LONP1: variants seen among roughly 807,000 people sequenced by gnomAD.
LONP1 encodes the protein lon protease homolog, mitochondrial.
LONP1 carries 31 observed loss-of-function variants against 98.5 expected under a neutral mutation model. That is an observed-to-expected ratio of 0.31 (90% CI 0.24 to 0.42). LONP1 has a LOEUF of 0.42. LONP1 is among the 20% of genes least tolerant of loss of function. The pLI is 1.00. For missense variants in LONP1, 1,336 were observed against 1,350.6 expected (o/e 0.99, Z 0.17); for synonymous variants, 781 against 594.7 (o/e 1.31, Z -4.56).
Position 5,699,101 on chromosome 19 carries a change from G to A in LONP1, c.1611C>T (p.Ala537=), listed in dbSNP as rs773972049. 3 of 1,604,330 alleles carry A rather than the reference G, an allele frequency of 1.9e-6. No individual in the cohort carries two copies. Among genetic ancestry groups the A allele is most frequent in the Non-Finnish European group, 2.6e-6 (3 of 1,174,066 alleles). Residue 537 remains alanine (A), a synonymous_variant, in exon 10 of 18, where the codon GCC becomes GCT. Transcript: ENST00000360614. ...VGKTSIARSI[A]RALNREYFRF... is the part of the protein sequence containing the mutation. ...GGAAGTACTCTCGGTTCAGGGCGCG[G>A]GCGATGGAGCGAGCAATGCTGGTCT...
intron 4 of LONP1, chr19:5,709,000 G>T (rs1330941950): frequency 1.5e-5 from 2 of 135,458 alleles, no homozygotes; most frequent in African/African-American, 5.9e-5. Flanking sequence ...GCGAAAGAGC[G>T]AGACTCTGTC....
chr19:5,703,980 C>T (rs2055102565), intron 8 of LONP1, among the ~76,000 whole-genome samples: 2 of 152,200 alleles, frequency 1.3e-5, no homozygotes, highest in African/African-American at 2.4e-5. Context: ...AAAACATCTA[C>T]GTTCTCCCCC....
At chr19:5,697,190 C>T (rs1052351552) in intron 10 of LONP1, among the ~76,000 whole-genome samples, 21 of 152,058 alleles carry the variant, frequency 1.4e-4, no homozygotes, top group African/African-American at 2.9e-4. Flanking sequence ...GGGCCCGGCC[C>T]GCGACAGGGA....
At chr19:5,694,055 C>T (rs2054880074) in intron 15 of LONP1, among the ~76,000 whole-genome samples, 2 of 152,338 alleles carry the variant, frequency 1.3e-5, no homozygotes, top group Non-Finnish European at 2.9e-5. Flanking sequence ...CAGACACAAG[C>T]CCTTCTCCAG....
At chr19:5,693,920 T>C in intron 15 of LONP1, 151 bp from the exon 16 acceptor site, 1 of 688,646 alleles carries the variant, frequency 1.5e-6, no homozygotes, top group Non-Finnish European at 2.5e-6. Context: ...GAGCCAACGC[T>C]GGCCTCTACG....
chr19:5,700,804 G>C lies in LONP1; in HGVS notation c.1491C>G (p.Val497=), dbSNP rs561481182. 264 of 1,614,178 alleles carry C rather than the reference G, an allele frequency of 1.6e-4. 7 individuals are homozygous for C. In the South Asian group the frequency reaches 2.6e-3, roughly 16 times the overall value. The change falls in exon 9 of 18, where the codon GTC becomes GTG. Residue 497 remains valine, a synonymous_variant. Transcript: ENST00000360614. The part of the protein sequence containing the change: ...LEEDHYGMED[V]KKRILEFIAV... ...CTGGGCTCACCAGGATGCGTTTCTT[G>C]ACGTCCTCCATGCCGTAGTGGTCTT...
At chr19:5,700,686 A>G (rs913636981) in intron 9 of LONP1, 103 bp downstream of exon 9, 1 of 1,488,212 alleles carries the variant, frequency 6.7e-7, no homozygotes, top group African/African-American at 1.4e-5. Flanking sequence ...CAGGCCTACG[A>G]ATTCACCAGG....
At position 5,696,764 on chromosome 19, in the gene LONP1, G is replaced by A; in HGVS notation, c.1686-7C>T. On this transcript the variant is annotated splice_polypyrimidine_tract_variant and splice_region_variant and intron_variant, in intron 10 of 17. Coordinates refer to ENST00000360614, the MANE Select transcript of LONP1 (RefSeq NM_004793.4). ...GGCGCCCACGTAGGTCCGCCTGTGG[G>A]TGCACAGCGGGGTCAGAGGTCACTT... 3.1e-6 allele frequency: 5 copies of A among 1,603,996 alleles called. No homozygotes were observed. Among genetic ancestry groups the A allele is most frequent in the East Asian group, 2.2e-5 (1 of 44,844 alleles).
chr19:5,703,813 G>A (rs1274898401), intron 8 of LONP1, among the ~76,000 whole-genome samples: 2 of 152,110 alleles, frequency 1.3e-5, no homozygotes, highest in Non-Finnish European at 2.9e-5. Context: ...TGTCCCCCGT[G>A]ACTTCCCAGG....
chr19:5,697,514 A>AGAGAAGAGGGAGGAGAGG (rs1441783336), intron 10 of LONP1, among the ~76,000 whole-genome samples: 2 of 126,820 alleles, frequency 1.6e-5, no homozygotes, highest in Admixed American at 1.7e-4. Context: ...GGAGGGGGGG[A>AGAGAAGAGGGAGGAGAGG]GAGAAGAGGG....
chr19:5,691,935 G>A lies in LONP1; in HGVS notation c.*97C>T, dbSNP rs1177037678. 4.8e-6 allele frequency: 5 copies of A among 1,048,842 alleles called. No homozygotes were observed. The highest frequency in any genetic ancestry group is 1.5e-5 in the African/African-American group (1 of 65,482). 65.0% of individuals were successfully genotyped at this position (1,048,842 alleles called of 1,614,324 possible). On this transcript the variant is annotated 3_prime_UTR_variant, in exon 18 of 18. Coordinates refer to ENST00000360614, the MANE Select transcript of LONP1 (RefSeq NM_004793.4). ...GGTCACTGGACCGAGCTGCTCGCTC[G>A]GTGGCTCCACTGCCAGGTCCGGGCG... is the stretch of plus-strand genomic sequence containing the variant.
At chr19:5,717,382 C>T (rs2145636553) in intron 1 of LONP1, 1 of 152,342 alleles carries the variant, frequency 6.6e-6, no homozygotes, top group South Asian at 2.1e-4. Flanking sequence ...TTGGCAGGAT[C>T]CATTTTTATG....
Position 5,712,020 on chromosome 19 carries a change from CA to C in LONP1, c.639-19del. On this transcript the variant is annotated intron_variant, in intron 3 of 17. Coordinates refer to ENST00000360614, the MANE Select transcript of LONP1 (RefSeq NM_004793.4). The stretch of plus-strand genomic sequence containing the variant: ...TATGGACTCTGACACGGGAGCAAGG[CA>C]GGTGTGAATCAGCCGCTGAGGCTGG... The C allele has an allele frequency of 6.2e-7, 1 of 1,601,702 alleles. No homozygotes were observed. Among genetic ancestry groups the C allele is most frequent in the Non-Finnish European group, 8.5e-7 (1 of 1,171,822 alleles).
At chr19:5,700,492 C>T (rs1202219122) in intron 9 of LONP1, among the ~76,000 whole-genome samples, 3 of 152,054 alleles carry the variant, frequency 2.0e-5, no homozygotes, top group African/African-American at 7.3e-5. Context: ...TCACAGCTCA[C>T]CACAGCCTCA....
At chr19:5,700,681 C>T in intron 9 of LONP1, 108 bp downstream of exon 9, 6 of 1,455,990 alleles carry the variant, frequency 4.1e-6, no homozygotes, top group Non-Finnish European at 4.7e-6. Flanking sequence ...ACCCCCAGGC[C>T]TACGAATTCA....
intron 3 of LONP1, 22 bp from the exon 4 acceptor site, chr19:5,712,024 T>C (rs778748192): frequency 3.4e-5 from 55 of 1,594,564 alleles, no homozygotes; most frequent in Admixed American, 6.7e-5. Context: ...GCAAGGCAGG[T>C]GTGAATCAGC....
chr19:5,698,546 C>T (rs760761353), intron 10 of LONP1, among the ~76,000 whole-genome samples: 1 of 152,210 alleles, frequency 6.6e-6, no homozygotes, highest in African/African-American at 2.4e-5. Context: ...AGTGAGCCCA[C>T]AGAGGCGCCA....
intron 14 of LONP1, 72 bp downstream of exon 14, chr19:5,694,689 G>A (rs1414814220): frequency 3.3e-6 from 5 of 1,514,066 alleles, no homozygotes; most frequent in East Asian, 4.6e-5. Context: ...TGATGGGCAT[G>A]GAAAGGTGGG....
chr19:5,712,005 G>A lies in LONP1; in HGVS notation c.639-3C>T. ...CCAGCTGTCTGCTGATATGGACTCT[G>A]ACACGGGAGCAAGGCAGGTGTGAAT... On this transcript the variant is annotated splice_region_variant and splice_polypyrimidine_tract_variant and intron_variant, in intron 3 of 17. Coordinates refer to ENST00000360614, the MANE Select transcript of LONP1 (RefSeq NM_004793.4). The A allele has an allele frequency of 6.2e-7, 1 of 1,609,734 alleles. No homozygotes were observed. Among genetic ancestry groups the A allele is most frequent in the Non-Finnish European group, 8.5e-7 (1 of 1,177,698 alleles).
Sources: allele counts gnomAD v4.1 joint callset (sites outside exome capture counted in the v4.1 genomes callset), GRCh38; gene constraint gnomAD v4.1.1; transcripts MANE v1.5; gene names NCBI Gene and HGNC (gene_info 2026-07-23, HGNC 2026-07-21).